NECAB2: variants seen among roughly 807,000 people sequenced by gnomAD.
NECAB2 encodes the protein N-terminal EF-hand calcium-binding protein 2.
Under a neutral mutation model 51.9 loss-of-function variants are expected in NECAB2, and 68 were observed. That is an observed-to-expected ratio of 1.31 (90% CI 1.08 to 1.60). NECAB2 has a LOEUF of 1.60. Among genes scored for constraint, NECAB2 ranks in the 40% most tolerant of loss-of-function variants. The pLI is 0.00. For synonymous variants in NECAB2, 329 were observed against 203.5 expected (o/e 1.62, Z -5.25); for missense variants, 854 against 490.3 (o/e 1.74, Z -7.00).
chr16:83,988,209 C>T lies in NECAB2; in HGVS notation c.460-2285C>T, dbSNP rs138104039. Among the ~76,000 whole-genome samples, 639 of 152,166 alleles carry T rather than the reference C, an allele frequency of 4.2e-3. 8 individuals are homozygous for T. The highest frequency in any genetic ancestry group is 0.015 in the African/African-American group (611 of 41,540). ...CGGGCCACCTTTTTTATTATGATTG[C>T]TTTATTCGGTCTGACTGTTGTGTTT... is the stretch of plus-strand genomic sequence containing the variant. On this transcript the variant is annotated intron_variant, in intron 5 of 12. Transcript: ENST00000305202.
Position 84,000,795 on chromosome 16 carries a change from G to T in NECAB2, c.1034G>T (p.Trp345Leu). Residue 345 changes from tryptophan (W) to leucine (L), a missense_variant, in exon 11 of 13, where the codon TGG becomes TTG. By Grantham distance (61) the Trp-to-Leu change is moderately conservative. Coordinates refer to ENST00000305202, the MANE Select transcript of NECAB2 (RefSeq NM_019065.3). ...GAGTTCTGGGAGACAGAGGAGGCGT[G>T]GAAGAGGTGAGATGCTGGGTCCCCA... ...IYEFWETEEA[W>L]KRHLQSPLCK... 6.2e-7 allele frequency: 1 copy of T among 1,613,616 alleles called. No homozygotes were observed. The highest frequency in any genetic ancestry group is 8.5e-7 in the Non-Finnish European group (1 of 1,179,936).
In NECAB2 at chr16:83,982,711, A is replaced by G. The variant is rs77279248; in HGVS notation, c.459+1584A>G. Among the ~76,000 whole-genome samples, 436 of 152,282 alleles carry G rather than the reference A, an allele frequency of 2.9e-3. 3 individuals carry two copies. The highest frequency in any genetic ancestry group is 5.1e-3 in the Non-Finnish European group (350 of 68,024). ...ATAAGAGAGTTCTCCATCAGTGTCTACTGATACAAGTTAGACCGGTTTTAG... is the reference window on the plus strand; with the variant it reads ...ATAAGAGAGTTCTCCATCAGTGTCTGCTGATACAAGTTAGACCGGTTTTAG... On this transcript the variant is annotated intron_variant, in intron 5 of 12. Coordinates refer to ENST00000305202, the MANE Select transcript of NECAB2 (RefSeq NM_019065.3).
Position 83,981,144 on chromosome 16 carries a change from G to A in NECAB2, c.459+17G>A. The stretch of plus-strand genomic sequence containing the variant: ...ACCAAGAAGGTCAGTGGGTGTAGGT[G>A]GCCCCCGGGGTCCAGGGCTCCAGTG... On this transcript the variant is annotated intron_variant, in intron 5 of 12. Transcript: ENST00000305202. 6 of 1,593,168 alleles carry A rather than the reference G, an allele frequency of 3.8e-6. No homozygotes were observed. The highest frequency in any genetic ancestry group is 5.1e-6 in the Non-Finnish European group (6 of 1,171,304).
intron 8 of NECAB2, among the ~76,000 whole-genome samples, chr16:83,996,450 T>TC (rs1339425909): frequency 6.6e-6 from 1 of 152,156 alleles, no homozygotes; most frequent in African/African-American, 2.4e-5. Context: ...GCTGCTGTTT[T>TC]CCTTATTAGC....
chr16:83,988,368 T>C (rs2084580662), intron 5 of NECAB2, among the ~76,000 whole-genome samples: 1 of 152,208 alleles, frequency 6.6e-6, no homozygotes, highest in Non-Finnish European at 1.5e-5. Flanking sequence ...CTTTAAAAAA[T>C]ACATTATTAT....
At chr16:83,984,292 G>A (rs549058434) in intron 5 of NECAB2, among the ~76,000 whole-genome samples, 258 of 152,014 alleles carry the variant, frequency 1.7e-3, no homozygotes, top group African/African-American at 5.9e-3. Flanking sequence ...ACCGCGCCCG[G>A]CGGAATATTT....
At chr16:83,980,285 G>A (rs534473536) in intron 3 of NECAB2, among the ~76,000 whole-genome samples, 5 of 152,304 alleles carry the variant, frequency 3.3e-5, no homozygotes, top group South Asian at 2.1e-4. Flanking sequence ...TCTTGGGGCC[G>A]GTCTGTGCTC....
intron 5 of NECAB2, among the ~76,000 whole-genome samples, chr16:83,987,688 T>C (rs2084573179): frequency 6.6e-6 from 1 of 152,198 alleles, no homozygotes. Flanking sequence ...TTTCCTCTTT[T>C]GTTAGGTATA....
chr16:83,971,784 G>A (rs1454461192), intron 1 of NECAB2: 2 of 397,836 alleles, frequency 5.0e-6, no homozygotes, highest in Non-Finnish European at 9.1e-6. Context: ...CTGGGACACT[G>A]ATTCGGAGTG....
chr16:83,988,977 C>T (rs16962420), intron 5 of NECAB2, among the ~76,000 whole-genome samples: 20,521 of 152,146 alleles, frequency 0.13, 2,556 homozygotes, highest in African/African-American at 0.34. Flanking sequence ...TTTTACTCCC[C>T]GGAAAATAAC....
At chr16:83,990,365 TG>T in intron 5 of NECAB2, 128 bp from the exon 6 acceptor site, 1 of 1,226,858 alleles carries the variant, frequency 8.2e-7, no homozygotes, top group Non-Finnish European at 1.2e-6. Flanking sequence ...CAGGAGGCCG[TG>T]GGGTCCTCCC....
intron 6 of NECAB2, among the ~76,000 whole-genome samples, chr16:83,993,802 T>C (rs2084657249): frequency 6.6e-6 from 1 of 152,154 alleles, no homozygotes; most frequent in Non-Finnish European, 1.5e-5. Context: ...GTTTCTGTCC[T>C]GTTACATCCC....
intron 5 of NECAB2, among the ~76,000 whole-genome samples, chr16:83,984,266 A>C (rs1287960716): frequency 2.0e-5 from 3 of 151,294 alleles, no homozygotes; most frequent in Non-Finnish European, 4.4e-5. Context: ...AAGTGCTGGG[A>C]TTACAGGCGT....
At chr16:83,997,631 G>A (rs1312064447) in intron 9 of NECAB2, among the ~76,000 whole-genome samples, 17 of 151,858 alleles carry the variant, frequency 1.1e-4, no homozygotes, top group Admixed American at 1.1e-3. Flanking sequence ...GGGATTACAG[G>A]TGTGTGCCAC....
intron 2 of NECAB2, among the ~76,000 whole-genome samples, chr16:83,974,642 G>A (rs534048400): frequency 6.6e-6 from 1 of 152,290 alleles, no homozygotes; most frequent in South Asian, 2.1e-4. Context: ...CGAAAACAAG[G>A]CTCGGAGATG....
chr16:84,000,835 G>GTCCCC, intron 11 of NECAB2, 34 bp downstream of exon 11: 1 of 1,400,594 alleles, frequency 7.1e-7, no homozygotes. Flanking sequence ...AGGTGAGGGA[G>GTCCCC]ACAGAGGGAA....
In NECAB2 at chr16:84,000,818, C is replaced by G. The variant is rs200433748; in HGVS notation, c.1040+17C>G. The G allele has an allele frequency of 9.3e-5, 150 of 1,610,650 alleles. No individual in the cohort carries two copies. Among genetic ancestry groups the G allele is most frequent in the East Asian group, 8.0e-4 (36 of 44,874 alleles). On this transcript the variant is annotated intron_variant, in intron 11 of 12. Transcript: ENST00000305202. ...GTGGAAGAGGTGAGATGCTGGGTCCCCACAGCAGGTGAGGGAGACAGAGGG... is the reference window on the plus strand; with the variant it reads ...GTGGAAGAGGTGAGATGCTGGGTCCGCACAGCAGGTGAGGGAGACAGAGGG...
At chr16:83,966,710 C>T (rs934810156), upstream of NECAB2, among the ~76,000 whole-genome samples, 2 of 152,186 alleles carry the variant, frequency 1.3e-5, no homozygotes, top group African/African-American at 4.8e-5. Flanking sequence ...ACAGAGAGTC[C>T]CCAGCCCAGG....
chr16:84,000,630 T>A, intron 10 of NECAB2, 94 bp from the exon 11 acceptor site: 1 of 940,590 alleles, frequency 1.1e-6, no homozygotes, highest in Non-Finnish European at 1.7e-6. Context: ...AGCCGTTGTG[T>A]ATAGTGGTGG....
Sources: gnomAD v4.1 joint callset for allele counts (sites outside exome capture counted in the v4.1 genomes callset) on GRCh38, gnomAD v4.1.1 for gene constraint, MANE v1.5 for transcripts, NCBI Gene and HGNC (gene_info 2026-07-23, HGNC 2026-07-21) for gene names.